Variants in ATP13A5 observed in about 807,000 individuals in gnomAD.
The protein encoded by ATP13A5 is ATPase 13A5.
In ATP13A5, 149 loss-of-function variants were observed where a neutral mutation model predicts 150.2. That is an observed-to-expected ratio of 0.99 (90% CI 0.87 to 1.14). ATP13A5 has a LOEUF of 1.14. Among genes scored for constraint, ATP13A5 ranks in the 50% most tolerant of loss-of-function variants. ATP13A5 has a pLI of 0.00. For missense variants in ATP13A5, 1,383 were observed against 1,449.3 expected (o/e 0.95, Z 0.74); for synonymous variants, 497 against 522.2 (o/e 0.95, Z 0.66).
chr3:193,295,059 C>T (rs1048909469), intron 25 of ATP13A5, among the ~76,000 whole-genome samples: 10 of 152,014 alleles, frequency 6.6e-5, no homozygotes, highest in Non-Finnish European at 1.0e-4. Context: ...CATCATAAAT[C>T]GGGGACATCT....
intron 5 of ATP13A5, among the ~76,000 whole-genome samples, chr3:193,360,510 C>T (rs375381865): frequency 4.6e-5 from 7 of 152,214 alleles, no homozygotes; most frequent in African/African-American, 1.7e-4. Context: ...TTGGTCTTAC[C>T]CTAAAAAATG....
chr3:193,301,157 A>C (rs1718381887), intron 24 of ATP13A5, 54 bp downstream of exon 24: 1 of 1,333,908 alleles, frequency 7.5e-7, no homozygotes, highest in Admixed American at 1.8e-5. Flanking sequence ...CCTGAATAAT[A>C]AATTAGGGAC....
intron 11 of ATP13A5, among the ~76,000 whole-genome samples, chr3:193,333,261 T>A (rs1476874080): frequency 2.0e-5 from 3 of 152,086 alleles, no homozygotes; most frequent in Non-Finnish European, 4.4e-5. Context: ...TGTTTGGATG[T>A]TTTATTCACA....
intron 1 of ATP13A5, among the ~76,000 whole-genome samples, chr3:193,366,702 A>G (rs1176509048): frequency 3.3e-5 from 5 of 152,068 alleles, no homozygotes; most frequent in Admixed American, 2.6e-4. Flanking sequence ...CAAAACACTC[A>G]GTAGGAATGC....
intron 25 of ATP13A5, among the ~76,000 whole-genome samples, chr3:193,295,834 A>G (rs1359011656): frequency 1.3e-5 from 2 of 152,116 alleles, no homozygotes; most frequent in African/African-American, 2.4e-5. Context: ...ACTTATGGAG[A>G]TTATCAAGCA....
At chr3:193,375,749 G>A (rs1354756722) in intron 1 of ATP13A5, among the ~76,000 whole-genome samples, 1 of 151,998 alleles carries the variant, frequency 6.6e-6, no homozygotes. Context: ...ACAGGAGATG[G>A]GAATGATAAC....
chr3:193,282,813 T>C (rs1202503285), intron 27 of ATP13A5, among the ~76,000 whole-genome samples: 1 of 152,240 alleles, frequency 6.6e-6, no homozygotes, highest in Non-Finnish European at 1.5e-5. Context: ...TTAAGTTATA[T>C]ACCAATGTAA....
At chr3:193,311,698 G>T (rs973768816) in intron 20 of ATP13A5, 118 bp downstream of exon 20, 1 of 1,394,112 alleles carries the variant, frequency 7.2e-7, no homozygotes, top group Non-Finnish European at 9.7e-7. Context: ...CTCCTTTGGG[G>T]GTGTTTATTC....
chr3:193,307,455 T>C, intron 21 of ATP13A5, 86 bp from the exon 22 acceptor site: 1 of 1,512,114 alleles, frequency 6.6e-7, no homozygotes, highest in South Asian at 1.2e-5. Flanking sequence ...AAGTCACATG[T>C]GATTTGTGTG....
chr3:193,294,802 G>A (rs188535509), intron 25 of ATP13A5, among the ~76,000 whole-genome samples: 133 of 152,188 alleles, frequency 8.7e-4, no homozygotes, highest in Non-Finnish European at 1.7e-3. Context: ...CTAACTTACC[G>A]AATACCATAG....
intron 25 of ATP13A5, among the ~76,000 whole-genome samples, chr3:193,296,193 A>C (rs1369263619): frequency 6.6e-6 from 1 of 152,114 alleles, no homozygotes; most frequent in African/African-American, 2.4e-5. Context: ...AGGCAGCTGC[A>C]GAAAGGAATC....
At chr3:193,372,969 C>T (rs1327390671) in intron 1 of ATP13A5, among the ~76,000 whole-genome samples, 1 of 152,140 alleles carries the variant, frequency 6.6e-6, no homozygotes, top group South Asian at 2.1e-4. Flanking sequence ...TGACTGAAAA[C>T]AGGAGAGAGC....
rs763512117 is a variant in ATP13A5, at chr3:193,326,688, G to A, written c.1523+308C>T. Among the ~76,000 whole-genome samples, 27 of 152,218 alleles carry A rather than the reference G, an allele frequency of 1.8e-4. No individual in the cohort carries two copies. The South Asian group carries it at 2.7e-3, about 15-fold the overall frequency. On this transcript the variant is annotated intron_variant, in intron 13 of 29. Transcript: ENST00000342358. ...CCACCTGCCTGCGCTAGCCACCCAG[G>A]AAGTTTTGTAGTTTTTAATTAAGCA...
chr3:193,296,146 A>G (rs897168248), intron 25 of ATP13A5, among the ~76,000 whole-genome samples: 9 of 152,096 alleles, frequency 5.9e-5, no homozygotes, highest in Non-Finnish European at 1.0e-4. Flanking sequence ...TGGAGGGCCC[A>G]GTAGTAGAAA....
chr3:193,362,003 C>A (rs1461461158), intron 5 of ATP13A5, among the ~76,000 whole-genome samples: 1 of 152,142 alleles, frequency 6.6e-6, no homozygotes, highest in Non-Finnish European at 1.5e-5. Context: ...ATCTCCAGGG[C>A]TGTTTCTTCA....
chr3:193,345,668 A>G (rs189338138), intron 7 of ATP13A5, among the ~76,000 whole-genome samples: 1 of 152,298 alleles, frequency 6.6e-6, no homozygotes, highest in African/African-American at 2.4e-5. Context: ...CAGGTATTGT[A>G]ACAGACGCAT....
At chr3:193,374,305 G>C (rs2367609) in intron 1 of ATP13A5, among the ~76,000 whole-genome samples, 35,552 of 136,280 alleles carry the variant, frequency 0.26, 4,372 homozygotes, top group East Asian at 0.43. Context: ...CACACACAGA[G>C]AGAGAGAGAG....
chr3:193,317,445 G>A (rs925636642), intron 17 of ATP13A5, among the ~76,000 whole-genome samples: 6 of 152,170 alleles, frequency 3.9e-5, no homozygotes, highest in African/African-American at 1.4e-4. Context: ...TCAATTCCTT[G>A]AGCGTCTGAC....
In ATP13A5 at chr3:193,327,058, C is replaced by A. The variant is rs762817232; in HGVS notation, c.1462-1G>T. ...GCCCATCTTCAGTGAGAGTGCCAGTCTGAGTAAAAATTAAAAGCAATATTA... is the reference window on the plus strand; with the variant it reads ...GCCCATCTTCAGTGAGAGTGCCAGTATGAGTAAAAATTAAAAGCAATATTA... On this transcript the variant is annotated splice_acceptor_variant, in intron 12 of 29. Coordinates refer to ENST00000342358, the MANE Select transcript of ATP13A5 (RefSeq NM_198505.4). LOFTEE classifies it high-confidence loss of function. The A allele has an allele frequency of 3.1e-6, 5 of 1,604,192 alleles. No individual in the cohort carries two copies. The highest frequency in any genetic ancestry group is 4.2e-6 in the Non-Finnish European group (5 of 1,177,748).
Sources: gnomAD v4.1 joint callset for allele counts (sites outside exome capture counted in the v4.1 genomes callset) on GRCh38, gnomAD v4.1.1 for gene constraint, MANE v1.5 for transcripts, NCBI Gene and HGNC (gene_info 2026-07-23, HGNC 2026-07-21) for gene names.